The following SMAD3 variants were observed in gnomAD, a reference collection of about 807,000 sequenced individuals.
SMAD3 encodes SMAD family member 3.
A neutral mutation model predicts 51.8 loss-of-function variants in SMAD3; 12 were observed. The observed-to-expected ratio is 0.23, with a 90% confidence interval of 0.15 to 0.38. SMAD3 has a LOEUF of 0.38. Among genes scored for constraint, SMAD3 ranks in the 10% least tolerant of loss-of-function variants. SMAD3 has a pLI of 1.00. For synonymous variants in SMAD3, 238 were observed against 227.7 expected, an observed-to-expected ratio of 1.05 and a Z score of -0.41; for missense variants, 294 against 565.6, an observed-to-expected ratio of 0.52 and a Z score of 4.87.
chr15:67,183,025 ATATATATTTTTTT>A (rs1389162595), intron 6 of SMAD3, among the ~76,000 whole-genome samples: 3 of 69,604 alleles, frequency 4.3e-5, no homozygotes, highest in Non-Finnish European at 7.4e-5. Context: ...ATATATATAT[ATATATATTTTTTT>A]TTTTTTTTTT....
At chr15:67,135,780 T>A (rs1029645122) in intron 1 of SMAD3, among the ~76,000 whole-genome samples, 1 of 152,182 alleles carries the variant, frequency 6.6e-6, no homozygotes, top group Non-Finnish European at 1.5e-5. Flanking sequence ...GTGTGTGTGT[T>A]TTCATCGTAT....
At chr15:67,071,748 C>CT (rs1369694532) in intron 1 of SMAD3, among the ~76,000 whole-genome samples, 1 of 152,074 alleles carries the variant, frequency 6.6e-6, no homozygotes, top group Non-Finnish European at 1.5e-5. Context: ...GGAGGCGGAG[C>CT]TTGCAGTGAG....
Position 67,195,092 on chromosome 15 carries a change from C to G in SMAD3, c.*4556C>G. The G allele has an allele frequency of 4.3e-6, 1 of 233,520 alleles. No homozygotes were observed. 14.5% of individuals were successfully genotyped at this position (233,520 alleles called of 1,614,324 possible). ...GAGCACCTGTTTAAGCATTGTACCC[C>G]TATTGTTAAAGATTTGTGTCCTCTC... On this transcript the variant is annotated 3_prime_UTR_variant, in exon 9 of 9. Transcript: ENST00000327367.
At chr15:67,151,658 A>G (rs1332630715) in intron 1 of SMAD3, among the ~76,000 whole-genome samples, 2 of 152,138 alleles carry the variant, frequency 1.3e-5, no homozygotes, top group Non-Finnish European at 2.9e-5. Context: ...TTCCCTCTAA[A>G]GTTAGAGTTT....
intron 4 of SMAD3, among the ~76,000 whole-genome samples, chr15:67,168,726 T>G (rs1008696991): frequency 2.6e-5 from 4 of 152,198 alleles, no homozygotes; most frequent in African/African-American, 7.2e-5. Context: ...TAAGTGTGCC[T>G]GCAGGGTCCT....
intron 6 of SMAD3, among the ~76,000 whole-genome samples, chr15:67,184,159 T>A (rs1963157448): frequency 6.7e-6 from 1 of 149,686 alleles, no homozygotes; most frequent in Non-Finnish European, 1.5e-5. Context: ...TGGAGTGCAG[T>A]GGTGTGATGG....
intron 6 of SMAD3, 23 bp downstream of exon 6, chr15:67,181,476 G>GCC: frequency 8.5e-7 from 1 of 1,170,842 alleles, no homozygotes; most frequent in Admixed American, 3.1e-5. Flanking sequence ...TCCATTCCCC[G>GCC]CCCCCCCACC....
chr15:67,160,439 T>G (rs1432349766), intron 1 of SMAD3, among the ~76,000 whole-genome samples: 1 of 152,232 alleles, frequency 6.6e-6, no homozygotes, highest in African/African-American at 2.4e-5. Context: ...CATATCTTTC[T>G]GGGTAGTGTC....
intron 1 of SMAD3, among the ~76,000 whole-genome samples, chr15:67,136,671 C>T (rs184620893): frequency 1.3e-5 from 2 of 152,302 alleles, no homozygotes; most frequent in East Asian, 3.9e-4. Flanking sequence ...TGGCTTTTGT[C>T]TTTAATGCTT....
At chr15:67,183,866 G>C (rs527637920) in intron 6 of SMAD3, among the ~76,000 whole-genome samples, 53 of 152,184 alleles carry the variant, frequency 3.5e-4, no homozygotes, top group African/African-American at 1.2e-3. Flanking sequence ...TGCATTGAGG[G>C]AAGAAAAAAA....
At chr15:67,183,029 A>ATTT (rs1567000858) in intron 6 of SMAD3, among the ~76,000 whole-genome samples, 4 of 48,112 alleles carry the variant, frequency 8.3e-5, no homozygotes, top group Admixed American at 4.0e-4. Flanking sequence ...ATATATATAT[A>ATTT]TATTTTTTTT....
chr15:67,171,242 G>A (rs755126003), intron 5 of SMAD3, among the ~76,000 whole-genome samples: 52 of 152,050 alleles, frequency 3.4e-4, no homozygotes, highest in Non-Finnish European at 1.3e-4. Context: ...ACACGTTTCC[G>A]TATTTAGGTG....
chr15:67,099,598 A>G (rs1376154405), intron 1 of SMAD3, among the ~76,000 whole-genome samples: 3 of 152,200 alleles, frequency 2.0e-5, no homozygotes, highest in African/African-American at 7.2e-5. Context: ...ATACTTGTGC[A>G]GAAATGTTTT....
intron 1 of SMAD3, among the ~76,000 whole-genome samples, chr15:67,133,963 T>C (rs1266117792): frequency 1.3e-5 from 2 of 152,094 alleles, no homozygotes; most frequent in Non-Finnish European, 2.9e-5. Flanking sequence ...CCCTCTCTCC[T>C]GGGTGCTTGT....
chr15:67,096,138 A>AC (rs1960610663), intron 1 of SMAD3, among the ~76,000 whole-genome samples: 1 of 152,184 alleles, frequency 6.6e-6, no homozygotes, highest in Non-Finnish European at 1.5e-5. Context: ...CGACCAAAGA[A>AC]CCCCATCATA....
intron 1 of SMAD3, among the ~76,000 whole-genome samples, chr15:67,090,274 G>C (rs1437864737): frequency 6.6e-6 from 1 of 152,110 alleles, no homozygotes. Context: ...TCTCGAGTCC[G>C]ATTTTGCCAA....
At chr15:67,105,194 A>G (rs1381700751) in intron 1 of SMAD3, among the ~76,000 whole-genome samples, 1 of 152,232 alleles carries the variant, frequency 6.6e-6, no homozygotes, top group Non-Finnish European at 1.5e-5. Context: ...TCTGAGCCTC[A>G]GTTTACTCCT....
intron 5 of SMAD3, among the ~76,000 whole-genome samples, chr15:67,175,228 G>A (rs1359159642): frequency 6.6e-6 from 1 of 152,168 alleles, no homozygotes; most frequent in African/African-American, 2.4e-5. Context: ...CATGACTGAG[G>A]AAAATAATGT....
intron 1 of SMAD3, among the ~76,000 whole-genome samples, chr15:67,144,570 T>C (rs1961923971): frequency 1.3e-5 from 2 of 152,236 alleles, no homozygotes; most frequent in Non-Finnish European, 1.5e-5. Context: ...ATGTTTGCTA[T>C]GTGCCAGGCT....
Sources: allele counts gnomAD v4.1 joint callset (sites outside exome capture counted in the v4.1 genomes callset), GRCh38; gene constraint gnomAD v4.1.1; transcripts MANE v1.5; gene names NCBI Gene and HGNC (gene_info 2026-07-23, HGNC 2026-07-21).